Variants in CARMIL1 observed in about 807,000 individuals in gnomAD.
CARMIL1 encodes the protein capping protein regulator and myosin 1 linker 1, also known as F-actin-uncapping protein LRRC16A.
A neutral mutation model predicts 177.1 loss-of-function variants in CARMIL1; 90 were observed. The observed-to-expected ratio is 0.51, with a 90% CI of 0.43 to 0.61. CARMIL1 has a LOEUF of 0.61. Ranked by LOEUF, CARMIL1 falls within the 20% of genes least tolerant of loss-of-function variation. The pLI is 0.00. For synonymous variants in CARMIL1, 577 were observed against 606.2 expected (o/e 0.95, Z 0.71); for missense variants, 1,380 against 1,667.0 (o/e 0.83, Z 3.00).
chr6:25,546,669 CA>C (rs58285338), intron 26 of CARMIL1, among the ~76,000 whole-genome samples: 61,568 of 118,672 alleles, frequency 0.52, 14,893 homozygotes, highest in Middle Eastern at 0.58. Context: ...ACAACAACAA[CA>C]AAAAAAAAAA....
Position 25,520,234 on chromosome 6 carries a change from CT to C in CARMIL1, c.1875-5del. On this transcript the variant is annotated splice_polypyrimidine_tract_variant and intron_variant, in intron 22 of 36. Transcript: ENST00000329474. ...TTTTAAATAAGTATATTATTTTCTCCTTTTTCTAGGAACTACACATTAAGAT... is the reference window on the plus strand; with the variant it reads ...TTTTAAATAAGTATATTATTTTCTCCTTTTCTAGGAACTACACATTAAGAT... 4 of 1,359,194 alleles carry C rather than the reference CT, an allele frequency of 2.9e-6. No homozygotes were observed. The highest frequency in any genetic ancestry group is 1.4e-5 in the South Asian group (1 of 72,732). 84.2% of individuals were successfully genotyped at this position (1,359,194 alleles called of 1,614,324 possible). A position where few individuals can be genotyped will look rare whatever the true frequency, so the allele number is the denominator to read the frequency against.
intron 28 of CARMIL1, among the ~76,000 whole-genome samples, chr6:25,555,524 C>T (rs1455783262): frequency 2.0e-5 from 3 of 152,112 alleles, no homozygotes; most frequent in East Asian, 1.9e-4. Flanking sequence ...CTCAGCCTCC[C>T]GAGTAGCTGG....
At chr6:25,563,680 G>A (rs1811325923) in intron 29 of CARMIL1, 1 of 985,156 alleles carries the variant, frequency 1.0e-6, no homozygotes, top group Non-Finnish European at 1.2e-6. Context: ...CATATACCAG[G>A]TATTCTTGGC....
chr6:25,280,829 A>G (rs1420560487), intron 1 of CARMIL1, among the ~76,000 whole-genome samples: 1 of 152,138 alleles, frequency 6.6e-6, no homozygotes, highest in Non-Finnish European at 1.5e-5. Flanking sequence ...GGCACACTAC[A>G]CAGCCTACAG....
At chr6:25,381,147 ATTTC>A (rs1321022884) in intron 2 of CARMIL1, among the ~76,000 whole-genome samples, 1 of 152,126 alleles carries the variant, frequency 6.6e-6, no homozygotes, top group Non-Finnish European at 1.5e-5. Context: ...CAGTTTTTGA[ATTTC>A]TTTGAGTTCT....
intron 11 of CARMIL1, among the ~76,000 whole-genome samples, chr6:25,477,333 A>T (rs1801671842): frequency 6.6e-6 from 1 of 151,928 alleles, no homozygotes; most frequent in African/African-American, 2.4e-5. Flanking sequence ...CAGTCTTCTG[A>T]TTGCTGAGGG....
chr6:25,504,642 A>C lies in CARMIL1; in HGVS notation c.1395+4407A>C, dbSNP rs138549169. 3.2e-3 allele frequency among the ~76,000 whole-genome samples: 493 copies of C among 152,320 alleles called. 2 individuals carry two copies. The highest frequency in any genetic ancestry group is 0.011 in the African/African-American group (468 of 41,570). On this transcript the variant is annotated intron_variant, in intron 17 of 36. Coordinates refer to ENST00000329474, the MANE Select transcript of CARMIL1 (RefSeq NM_017640.6). Reference sequence around the variant, plus strand: ...AACCTTACGTTTTCAGATAACTTCTATACTTACAGGAAAAAACTTCGGTGT... The same window carrying C: ...AACCTTACGTTTTCAGATAACTTCTCTACTTACAGGAAAAAACTTCGGTGT...
intron 2 of CARMIL1, among the ~76,000 whole-genome samples, chr6:25,406,329 TG>T (rs562518015): frequency 5.1e-4 from 77 of 152,024 alleles, no homozygotes; most frequent in Admixed American, 1.2e-3. Context: ...GCCCTCCTCT[TG>T]GGAGAGCAAC....
intron 32 of CARMIL1, among the ~76,000 whole-genome samples, chr6:25,594,984 G>C (rs1427542015): frequency 2.0e-5 from 3 of 152,082 alleles, no homozygotes; most frequent in Admixed American, 6.6e-5. Flanking sequence ...ATTGGGTTGG[G>C]GGGCTAAGTC....
intron 16 of CARMIL1, among the ~76,000 whole-genome samples, chr6:25,498,963 GA>G (rs1304223682): frequency 6.6e-6 from 1 of 152,202 alleles, no homozygotes; most frequent in African/African-American, 2.4e-5. Flanking sequence ...TTTAAAAAGT[GA>G]AAAGGAAGGC....
chr6:25,375,940 C>G (rs1227097521), intron 2 of CARMIL1, among the ~76,000 whole-genome samples: 1 of 151,966 alleles, frequency 6.6e-6, no homozygotes, highest in East Asian at 1.9e-4. Flanking sequence ...CTTGTATTTC[C>G]TTGAACAGCT....
At position 25,577,249 on chromosome 6, in the gene CARMIL1, A is replaced by C. The variant is rs1293547205; in HGVS notation, c.2743-3675A>C. 3.0e-6 allele frequency: 1 copy of C among 338,524 alleles called. No individual in the cohort carries two copies. Among genetic ancestry groups the C allele is most frequent in the Non-Finnish European group, 4.2e-6 (1 of 238,596 alleles). The allele number at this position is 338,524 out of a possible 1,614,324, so 21.0% of individuals were successfully genotyped here. Reference sequence around the variant, plus strand: ...AGCAAGCAGAGTGTTGATGAAGAGGATACAAACATTCAAGAGGAGACAAGT... The same window carrying C: ...AGCAAGCAGAGTGTTGATGAAGAGGCTACAAACATTCAAGAGGAGACAAGT... On this transcript the variant is annotated intron_variant, in intron 29 of 36. Coordinates refer to ENST00000329474, the MANE Select transcript of CARMIL1 (RefSeq NM_017640.6). This position sits in a 1 kb window ranked among gnomAD's most constrained non-coding sequence, Gnocchi z 4.5.
At chr6:25,456,618 T>TA (rs1371425419) in intron 8 of CARMIL1, among the ~76,000 whole-genome samples, 2 of 152,220 alleles carry the variant, frequency 1.3e-5, no homozygotes, top group African/African-American at 2.4e-5. Flanking sequence ...GCTGACATGT[T>TA]AAAAAATTTA....
At chr6:25,608,472 T>A (rs1816197547) in intron 35 of CARMIL1, among the ~76,000 whole-genome samples, 1 of 152,218 alleles carries the variant, frequency 6.6e-6, no homozygotes, top group Admixed American at 6.5e-5. Context: ...GTATCCCATG[T>A]GGATAAAGGG....
At chr6:25,393,527 G>A (rs982004848) in intron 2 of CARMIL1, 16 of 148,262 alleles carry the variant, frequency 1.1e-4, no homozygotes, top group African/African-American at 3.5e-4. Flanking sequence ...TTGTACTTCA[G>A]CCTGGGCAAC....
At chr6:25,559,140 A>C (rs747701921) in intron 29 of CARMIL1, among the ~76,000 whole-genome samples, 2 of 152,142 alleles carry the variant, frequency 1.3e-5, no homozygotes, top group African/African-American at 2.4e-5. Context: ...CCCGAAGTGC[A>C]AGGATCCCTC....
intron 29 of CARMIL1, chr6:25,563,451 C>A: frequency 1.0e-6 from 1 of 985,334 alleles, no homozygotes; most frequent in Non-Finnish European, 1.2e-6. Flanking sequence ...AAGAGGAAGA[C>A]AATGGGAAGT....
chr6:25,373,457 GTA>G (rs1431671876), intron 2 of CARMIL1, among the ~76,000 whole-genome samples: 1 of 147,084 alleles, frequency 6.8e-6, no homozygotes, highest in Non-Finnish European at 1.5e-5. Flanking sequence ...TAGGAAGATT[GTA>G]TGTTTCCAGG....
At chr6:25,563,606 C>T in intron 29 of CARMIL1, 1 of 985,364 alleles carries the variant, frequency 1.0e-6, no homozygotes, top group Non-Finnish European at 1.2e-6. Flanking sequence ...TCAGAAGATC[C>T]CTTAAGCCAT....
Sources: gnomAD v4.1 joint callset for allele counts (sites outside exome capture counted in the v4.1 genomes callset) on GRCh38, gnomAD v4.1.1 for gene constraint, Gnocchi (gnomAD v3.1) non-coding constraint, MANE v1.5 for transcripts, NCBI Gene and HGNC (gene_info 2026-07-23, HGNC 2026-07-21) for gene names.